AMD1: variants seen among roughly 807,000 people sequenced by gnomAD.
AMD1 encodes S-adenosylmethionine decarboxylase proenzyme.
In AMD1, 11 loss-of-function variants were observed where a neutral mutation model predicts 40.2. That is an observed-to-expected ratio of 0.27 (90% confidence interval 0.17 to 0.45). The LOEUF (loss-of-function observed/expected upper bound fraction) is 0.45, where lower values mean the gene tolerates loss of function less well. Ranked by LOEUF, AMD1 falls within the 20% of genes least tolerant of loss-of-function variation. AMD1 has a pLI of 1.00. For missense variants in AMD1, 257 were observed against 410.2 expected (o/e 0.63, Z 3.23); for synonymous variants, 121 against 130.8 (o/e 0.93, Z 0.51).
the AMD1 span, among the ~76,000 whole-genome samples, chr6:110,854,926 AACT>A: frequency 4.5e-3 from 682 of 152,306 alleles, 6 homozygotes; most frequent in African/African-American, 0.015. Context: ...CTGAGTTGAA[AACT>A]ACAATTGTGG....
the AMD1 span, among the ~76,000 whole-genome samples, chr6:110,820,488 T>G: frequency 6.6e-6 from 1 of 151,970 alleles, no homozygotes; most frequent in Non-Finnish European, 1.5e-5. Context: ...CTGCCTGCCT[T>G]GGCCTCCCAA....
At chr6:110,880,271 G>A (rs1279597) in intron 1 of AMD1, among the ~76,000 whole-genome samples, 131,414 of 152,144 alleles carry the variant, frequency 0.86, 56,913 homozygotes, top group Middle Eastern at 0.95. Context: ...TGTGTCTTTT[G>A]CTTTGGATAT....
the AMD1 span, among the ~76,000 whole-genome samples, chr6:110,824,202 A>C: frequency 2.0e-5 from 3 of 152,190 alleles, no homozygotes; most frequent in Non-Finnish European, 4.4e-5. Flanking sequence ...ATAGATAAGG[A>C]AAAGGTGGTA....
At chr6:110,891,001 A>T (rs878949661) in intron 4 of AMD1, 4 of 152,266 alleles carry the variant, frequency 2.6e-5, no homozygotes, top group Admixed American at 2.6e-4. Flanking sequence ...TTTAAAATGT[A>T]GAATTGATCA....
chr6:110,852,886 G>A, the AMD1 span, among the ~76,000 whole-genome samples: 1 of 151,996 alleles, frequency 6.6e-6, no homozygotes, highest in South Asian at 2.1e-4. Flanking sequence ...GATTATTCTG[G>A]GGTGCGGAAG....
the AMD1 span, chr6:110,814,921 C>A: frequency 6.4e-7 from 1 of 1,567,634 alleles, no homozygotes; most frequent in Non-Finnish European, 8.7e-7. Flanking sequence ...TCGGGCACGG[C>A]CCGACTGGGA....
intron 1 of AMD1, among the ~76,000 whole-genome samples, chr6:110,886,114 G>C (rs1167608385): frequency 1.3e-5 from 2 of 151,716 alleles, no homozygotes; most frequent in African/African-American, 4.8e-5. Context: ...AATTAGCCAG[G>C]TGTGGTGGCA....
the AMD1 span, chr6:110,858,713 A>G: frequency 2.4e-6 from 2 of 817,594 alleles, no homozygotes; most frequent in South Asian, 2.8e-5. Context: ...CGACGCCACC[A>G]TGAAGGCTGG....
At chr6:110,830,929 A>G in the AMD1 span, among the ~76,000 whole-genome samples, 1 of 151,804 alleles carries the variant, frequency 6.6e-6, no homozygotes, top group African/African-American at 2.4e-5. Context: ...TTTATTTTTA[A>G]TTTTTTTGTA....
intron 1 of AMD1, among the ~76,000 whole-genome samples, chr6:110,877,891 T>C (rs958231594): frequency 6.6e-6 from 1 of 152,068 alleles, no homozygotes; most frequent in African/African-American, 2.4e-5. Context: ...ATAATAAACA[T>C]AGGGACATAA....
the AMD1 span, among the ~76,000 whole-genome samples, chr6:110,860,825 ACACCCACC>A: frequency 0.013 from 1,606 of 127,622 alleles, 24 homozygotes; most frequent in South Asian, 0.051. Flanking sequence ...ACAAAACAAA[ACACCCACC>A]CACACACACA....
chr6:110,823,996 G>A, the AMD1 span, among the ~76,000 whole-genome samples: 341 of 152,262 alleles, frequency 2.2e-3, 3 homozygotes, highest in Non-Finnish European at 3.4e-3. Context: ...AACCTCTATG[G>A]AAAACAGTAT....
At position 110,875,226 on chromosome 6, in the gene AMD1, G is replaced by C. The variant is rs1217193154; in HGVS notation, c.110+11G>C. On this transcript the variant is annotated intron_variant, in intron 1 of 8. Coordinates refer to ENST00000368885, the MANE Select transcript of AMD1 (RefSeq NM_001634.6). ...TCGCACTATCCCAAGGTGGGTCCCC[G>C]GGGCGCTCGCTGACATCCGGGCCTG... The C allele has an allele frequency of 2.5e-6, 4 of 1,592,246 alleles. No homozygotes were observed. In the South Asian group the frequency reaches 3.4e-5, roughly 13 times the overall value.
the AMD1 span, among the ~76,000 whole-genome samples, chr6:110,828,705 CTG>C: frequency 1.6e-4 from 25 of 152,126 alleles, no homozygotes; most frequent in Non-Finnish European, 3.2e-4. Context: ...AAATTTGAAT[CTG>C]GAGGTAAAAT....
chr6:110,849,189 G>A, the AMD1 span, among the ~76,000 whole-genome samples: 2 of 152,152 alleles, frequency 1.3e-5, no homozygotes, highest in African/African-American at 2.4e-5. Context: ...AGGTATTGGC[G>A]TATTCCACAC....
the AMD1 span, among the ~76,000 whole-genome samples, chr6:110,835,259 C>T: frequency 1.1e-4 from 16 of 151,418 alleles, no homozygotes; most frequent in Non-Finnish European, 1.0e-4. Flanking sequence ...ACCTCGTGAT[C>T]CGCCCGCCTC....
At position 110,878,261 on chromosome 6, in the gene AMD1, C is replaced by G. The variant is rs369096140; in HGVS notation, c.110+3046C>G. ...CGATATTTACCTTTCATATTTAGAT[C>G]TGCAATCCATCTGGAATTGATTTTG... On this transcript the variant is annotated intron_variant, in intron 1 of 8. Coordinates refer to ENST00000368885, the MANE Select transcript of AMD1 (RefSeq NM_001634.6). Among the ~76,000 whole-genome samples the G allele has an allele frequency of 7.2e-5, 11 of 152,134 alleles. No individual in the cohort carries two copies. The East Asian group carries it at 7.7e-4, about 11-fold the overall frequency.
At chr6:110,889,175 T>G in intron 3 of AMD1, 192 bp downstream of exon 3, 2 of 446,764 alleles carry the variant, frequency 4.5e-6, no homozygotes, top group Non-Finnish European at 7.1e-6. Context: ...GAGAATGAGT[T>G]AGGATGAAAT....
chr6:110,889,194 G>T, intron 3 of AMD1: 1 of 368,506 alleles, frequency 2.7e-6, no homozygotes. Flanking sequence ...ATTCAAATGG[G>T]AGAAAGAAAT....
Sources: allele counts gnomAD v4.1 joint callset (sites outside exome capture counted in the v4.1 genomes callset), GRCh38; gene constraint gnomAD v4.1.1; transcripts MANE v1.5; gene names NCBI Gene and HGNC (gene_info 2026-07-23, HGNC 2026-07-21).